SNX18: variants seen among roughly 807,000 people sequenced by gnomAD.
The protein encoded by SNX18 is sorting nexin 18, also known as sorting nexin-18.
Under a neutral mutation model 48.7 loss-of-function variants are expected in SNX18, and 35 were observed. That is an observed-to-expected ratio of 0.72 (90% CI 0.55 to 0.95). The LOEUF is 0.95. Ranked by LOEUF, SNX18 falls within the 40% of genes least tolerant of loss-of-function variation. SNX18 has a pLI of 0.00. For missense variants in SNX18, 824 were observed against 871.0 expected (o/e 0.95, Z 0.68); for synonymous variants, 492 against 384.7 (o/e 1.28, Z -3.26).
the SNX18 span, among the ~76,000 whole-genome samples, chr5:54,594,394 C>T: frequency 6.6e-6 from 1 of 152,156 alleles, no homozygotes; most frequent in Non-Finnish European, 1.5e-5. Context: ...AGAGTTAACA[C>T]AGCCAATCTG....
the SNX18 span, among the ~76,000 whole-genome samples, chr5:54,605,714 C>T: frequency 6.6e-6 from 1 of 152,138 alleles, no homozygotes. Flanking sequence ...GGCTGGAGTG[C>T]AGTGGCACTA....
chr5:54,586,399 T>G, the SNX18 span, among the ~76,000 whole-genome samples: 2 of 152,098 alleles, frequency 1.3e-5, no homozygotes, highest in African/African-American at 4.8e-5. Flanking sequence ...TATTAGTCCA[T>G]TTTCTGCTGC....
At chr5:54,557,293 A>C in the SNX18 span, among the ~76,000 whole-genome samples, 1 of 152,254 alleles carries the variant, frequency 6.6e-6, no homozygotes, top group Non-Finnish European at 1.5e-5. Flanking sequence ...GGGATTTGAG[A>C]GTTGACTGTA....
the SNX18 span, among the ~76,000 whole-genome samples, chr5:54,647,430 T>A: frequency 6.6e-6 from 1 of 152,064 alleles, no homozygotes; most frequent in South Asian, 2.1e-4. Flanking sequence ...TTTTGAAAAG[T>A]ATAGAGGTGT....
chr5:54,609,627 G>C, the SNX18 span, among the ~76,000 whole-genome samples: 54,315 of 151,744 alleles, frequency 0.36, 10,198 homozygotes, highest in Admixed American at 0.41. Flanking sequence ...CCTTCTATTT[G>C]TCCCACCCTG....
rs79330557 is a variant in SNX18 at position 54,539,536 on chromosome 5, C to T, written c.1622-3643C>T. Among the ~76,000 whole-genome samples, 1,066 of 152,218 alleles carry T rather than the reference C, an allele frequency of 7.0e-3. 19 individuals are homozygous for T. The highest frequency in any genetic ancestry group is 0.025 in the African/African-American group (1,023 of 41,522). ...GCATTTTCCGTTGTCACATTGGTCA[C>T]GTTATCTTGGAGAAAGCCATATTCA... On this transcript the variant is annotated intron_variant, in intron 1 of 1. Coordinates refer to ENST00000381410, the MANE Select transcript of SNX18 (RefSeq NM_001102575.2).
chr5:54,596,493 G>A, the SNX18 span, among the ~76,000 whole-genome samples: 2 of 152,180 alleles, frequency 1.3e-5, no homozygotes, highest in African/African-American at 2.4e-5. Context: ...TTTGGGACAA[G>A]AAGGAAAGCA....
At chr5:54,527,337 CAG>C (rs1403884011) in intron 1 of SNX18, among the ~76,000 whole-genome samples, 1 of 144,816 alleles carries the variant, frequency 6.9e-6, no homozygotes, top group Non-Finnish European at 1.5e-5. Flanking sequence ...GTGGAGACAA[CAG>C]AGGTGGTGGT....
intron 1 of SNX18, among the ~76,000 whole-genome samples, chr5:54,532,624 A>G (rs1357754184): frequency 1.3e-5 from 2 of 152,184 alleles, no homozygotes; most frequent in Non-Finnish European, 1.5e-5. Flanking sequence ...CTACAGGCAA[A>G]TCAACATTGC....
At chr5:54,622,640 T>C in the SNX18 span, among the ~76,000 whole-genome samples, 5 of 148,304 alleles carry the variant, frequency 3.4e-5, no homozygotes, top group African/African-American at 1.2e-4. Context: ...ATTAAATAAA[T>C]ATATAAATAT....
the SNX18 span, among the ~76,000 whole-genome samples, chr5:54,553,416 G>A: frequency 6.6e-6 from 1 of 152,144 alleles, no homozygotes; most frequent in Non-Finnish European, 1.5e-5. Context: ...TGGCCACCAT[G>A]TCCCCAGTCT....
At chr5:54,562,373 T>C in the SNX18 span, among the ~76,000 whole-genome samples, 2 of 152,178 alleles carry the variant, frequency 1.3e-5, no homozygotes, top group African/African-American at 4.8e-5. Flanking sequence ...CCTTATACCA[T>C]ATAAGTATGA....
the SNX18 span, among the ~76,000 whole-genome samples, chr5:54,619,561 T>C: frequency 1.3e-5 from 2 of 152,172 alleles, no homozygotes; most frequent in Non-Finnish European, 2.9e-5. Context: ...GTGTACTTTA[T>C]GCGTTAGGGC....
At chr5:54,553,052 T>G in the SNX18 span, among the ~76,000 whole-genome samples, 50 of 117,902 alleles carry the variant, frequency 4.2e-4, no homozygotes, top group Admixed American at 7.0e-4. Context: ...ATGGCTGGAG[T>G]GGGAGAAGGG....
At chr5:54,623,458 A>T in the SNX18 span, among the ~76,000 whole-genome samples, 1 of 152,058 alleles carries the variant, frequency 6.6e-6, no homozygotes, top group Non-Finnish European at 1.5e-5. Context: ...CACAGGCCAC[A>T]GAGGGCTGCA....
the SNX18 span, chr5:54,645,496 G>A: frequency 6.6e-6 from 1 of 152,256 alleles, no homozygotes; most frequent in Non-Finnish European, 1.5e-5. Context: ...TGTCACCTGA[G>A]TAGTTAAGAA....
At chr5:54,531,034 T>A (rs940420481) in intron 1 of SNX18, among the ~76,000 whole-genome samples, 2 of 152,174 alleles carry the variant, frequency 1.3e-5, no homozygotes, top group Non-Finnish European at 2.9e-5. Context: ...ATTACAGGTG[T>A]GAGTCACCCT....
At chr5:54,586,909 C>T in the SNX18 span, among the ~76,000 whole-genome samples, 1 of 152,004 alleles carries the variant, frequency 6.6e-6, no homozygotes, top group Non-Finnish European at 1.5e-5. Context: ...ATAGATATGT[C>T]TCACAAATAC....
chr5:54,564,720 C>T, the SNX18 span, among the ~76,000 whole-genome samples: 1 of 151,662 alleles, frequency 6.6e-6, no homozygotes, highest in East Asian at 2.0e-4. Flanking sequence ...TAGCTGGGTG[C>T]GGTGGTACGT....
Sources: gnomAD v4.1 joint callset for allele counts (sites outside exome capture counted in the v4.1 genomes callset) on GRCh38, gnomAD v4.1.1 for gene constraint, MANE v1.5 for transcripts, NCBI Gene and HGNC (gene_info 2026-07-23, HGNC 2026-07-21) for gene names.